Variants in MYO18A observed in about 807,000 individuals in gnomAD.
MYO18A encodes the protein myosin XVIIIA.
Under a neutral mutation model 235.8 loss-of-function variants are expected in MYO18A, and 78 were observed. The observed-to-expected ratio is 0.33, with a 90% CI of 0.28 to 0.40. The LOEUF (loss-of-function observed/expected upper bound fraction) is 0.40, where lower values mean the gene tolerates loss of function less well. Ranked by LOEUF, MYO18A falls within the 10% of genes least tolerant of loss-of-function variation. MYO18A has a pLI of 1.00. For missense variants in MYO18A, 2,215 were observed against 2,699.3 expected (o/e 0.82, Z 3.98); for synonymous variants, 977 against 1,077.8 (o/e 0.91, Z 1.83).
At chr17:29,081,187 G>A (rs1486672770) in intron 41 of MYO18A, among the ~76,000 whole-genome samples, 1 of 152,214 alleles carries the variant, frequency 6.6e-6, no homozygotes, top group Non-Finnish European at 1.5e-5. Context: ...AGCATCGGAG[G>A]AAATGAAGCA....
chr17:29,084,622 G>A (rs752740623), intron 40 of MYO18A, among the ~76,000 whole-genome samples: 7 of 152,114 alleles, frequency 4.6e-5, no homozygotes, highest in Non-Finnish European at 1.0e-4. Context: ...GAGACAGAAC[G>A]GCGGGGGATA....
In MYO18A at chr17:29,098,169, G is replaced by C. The variant is rs1415554274; in HGVS notation, c.3926C>G (p.Ser1309Cys). The C allele has an allele frequency of 1.2e-6, 2 of 1,613,830 alleles. No individual in the cohort carries two copies. Among genetic ancestry groups the C allele is most frequent in the African/African-American group, 2.7e-5 (2 of 74,934 alleles). Residue 1309 changes from serine to cysteine, a missense_variant, in exon 25 of 42, where the codon TCC (serine) becomes TGC (cysteine). Coordinates refer to ENST00000527372, the MANE Select transcript of MYO18A (RefSeq NM_078471.4). Reference sequence around the variant, plus strand: ...TGCTGTCTCCGCGTCCAGCAGCTGGGAGGCGGACTCTCCTGTGTTACGCTC... The same window carrying C: ...TGCTGTCTCCGCGTCCAGCAGCTGGCAGGCGGACTCTCCTGTGTTACGCTC... ...TDERNTGESASQLLDAETAER... is the reference protein window; with the variant it reads ...TDERNTGESACQLLDAETAER...
intron 37 of MYO18A, 39 bp from the exon 38 acceptor site, chr17:29,087,160 G>A (rs375478105): frequency 4.0e-5 from 63 of 1,583,802 alleles, no homozygotes; most frequent in Middle Eastern, 3.4e-4. Flanking sequence ...CAGCAGGCAG[G>A]CCCATCAGCC....
intron 20 of MYO18A, among the ~76,000 whole-genome samples, chr17:29,105,726 A>T (rs2066767827): frequency 6.6e-6 from 1 of 152,214 alleles, no homozygotes; most frequent in Non-Finnish European, 1.5e-5. Context: ...AGAATGCAAT[A>T]GCAGACAGGA....
At chr17:29,170,748 G>C (rs1016434070) in intron 1 of MYO18A, among the ~76,000 whole-genome samples, 4 of 152,214 alleles carry the variant, frequency 2.6e-5, no homozygotes, top group Non-Finnish European at 4.4e-5. Flanking sequence ...AGTACAATCT[G>C]TCAACTCAGC....
At chr17:29,107,025 G>A in intron 20 of MYO18A, 55 bp downstream of exon 20, 1 of 1,525,408 alleles carries the variant, frequency 6.6e-7, no homozygotes, top group Non-Finnish European at 9.1e-7. Context: ...TCTGGAAAGG[G>A]CAGCTGCTTG....
rs1231585904 is a variant in MYO18A at position 29,121,010 on chromosome 17, T to C, written c.1573A>G (p.Lys525Glu). 1.2e-6 allele frequency: 2 copies of C among 1,611,264 alleles called. No individual in the cohort carries two copies. Among genetic ancestry groups the C allele is most frequent in the Non-Finnish European group, 1.7e-6 (2 of 1,179,000 alleles). The change falls in exon 6 of 42, where the codon AAG (lysine) becomes GAG (glutamate). Residue 525 changes from lysine to glutamate, a missense_variant. Physicochemically the swap from Lys to Glu is moderately conservative, Grantham distance 56. Transcript: ENST00000527372. The surrounding 1 kb of genome is among the most constrained non-coding windows in gnomAD (Gnocchi z 4.2). ...GTCCCTGCCTCACCAGAAAACACCT[T>C]GTTCCCGCTGATGCCCGCGATGGTG... ...LATIAGISGN[K>E]VFSVEKWQAL... is the part of the protein sequence containing the mutation.
intron 2 of MYO18A, among the ~76,000 whole-genome samples, chr17:29,138,404 C>G (rs771396042): frequency 6.6e-6 from 1 of 152,172 alleles, no homozygotes; most frequent in Non-Finnish European, 1.5e-5. Context: ...GCATTCTCCT[C>G]TCCTCCCTCT....
intron 2 of MYO18A, among the ~76,000 whole-genome samples, chr17:29,138,414 T>C (rs1243879919): frequency 6.6e-6 from 1 of 152,110 alleles, no homozygotes; most frequent in East Asian, 1.9e-4. Context: ...CTCCTCCCTC[T>C]TTCCCATTCA....
In MYO18A at chr17:29,144,310, C is replaced by G. The variant is rs566965120; in HGVS notation, c.999+21632G>C. ...ACTTTTCTAGTCTCTTCTCCCTCTTCCCAGCCAGCCTGGCTCTCCGTCATT... is the reference window on the plus strand; with the variant it reads ...ACTTTTCTAGTCTCTTCTCCCTCTTGCCAGCCAGCCTGGCTCTCCGTCATT... On this transcript the variant is annotated intron_variant, in intron 2 of 41. Transcript: ENST00000527372. 7.9e-5 allele frequency among the ~76,000 whole-genome samples: 12 copies of G among 152,342 alleles called. No homozygotes were observed. In the South Asian group the frequency reaches 2.3e-3, roughly 29 times the overall value.
At chr17:29,093,454 G>A (rs762382079) in intron 31 of MYO18A, 27 bp from the exon 32 acceptor site, 21 of 1,567,890 alleles carry the variant, frequency 1.3e-5, no homozygotes, top group African/African-American at 5.4e-5. Context: ...ACAGAGACCC[G>A]TCCGTCCCTT....
chr17:29,114,222 C>A (rs752202807), intron 14 of MYO18A, 125 bp from the exon 15 acceptor site: 7 of 674,376 alleles, frequency 1.0e-5, no homozygotes, highest in Admixed American at 4.7e-5. Context: ...TGCAGGAGCT[C>A]CCTCCATCAT....
chr17:29,141,489 G>A (rs918807270), intron 2 of MYO18A, among the ~76,000 whole-genome samples: 3 of 151,166 alleles, frequency 2.0e-5, no homozygotes, highest in African/African-American at 7.3e-5. Flanking sequence ...ATACAGAACC[G>A]CCTCCTAACC....
At chr17:29,139,555 C>T (rs983749663) in intron 2 of MYO18A, among the ~76,000 whole-genome samples, 10 of 152,250 alleles carry the variant, frequency 6.6e-5, no homozygotes, top group African/African-American at 2.4e-4. Flanking sequence ...TGCACCTCCG[C>T]ACCAGGCCAG....
At chr17:29,090,257 C>A in intron 36 of MYO18A, 159 bp from the exon 37 acceptor site, 2 of 806,690 alleles carry the variant, frequency 2.5e-6, no homozygotes, top group Non-Finnish European at 3.8e-6. Flanking sequence ...AGGCCTCCCC[C>A]ATCTGCCCCA....
At chr17:29,075,679 C>G (rs1051370157) in intron 41 of MYO18A, 1 of 165,350 alleles carries the variant, frequency 6.0e-6, no homozygotes, top group Non-Finnish European at 1.5e-5. Flanking sequence ...GATCACAGCA[C>G]TGAACAGGGA....
Position 29,123,875 on chromosome 17 carries a change from T to C in MYO18A, c.1000-1622A>G, listed in dbSNP as rs1345144279. Among the ~76,000 whole-genome samples, 8 of 152,162 alleles carry C rather than the reference T, an allele frequency of 5.3e-5. No homozygotes were observed. In the East Asian group the frequency reaches 1.5e-3, roughly 29 times the overall value. On this transcript the variant is annotated intron_variant, in intron 2 of 41. Transcript: ENST00000527372. ...CATCCTGGCTAACACAGTGAAACCC[T>C]GTCTCCACTAAAAATACAAAAAATT... is the stretch of plus-strand genomic sequence containing the variant.
chr17:29,140,507 C>G lies in MYO18A; in HGVS notation c.1000-18254G>C. 1 of 940,396 alleles carries G rather than the reference C, an allele frequency of 1.1e-6. No individual in the cohort carries two copies. The highest frequency in any genetic ancestry group is 1.4e-6 in the Non-Finnish European group (1 of 726,940). 58.3% of individuals were successfully genotyped at this position (940,396 alleles called of 1,614,324 possible). ...CCAGCCCTAGTTGGAGCCAGCAGCC[C>G]GGAGGACTTCGGGTATCAGGTATGC... On this transcript the variant is annotated intron_variant, in intron 2 of 41. Coordinates refer to ENST00000527372, the MANE Select transcript of MYO18A (RefSeq NM_078471.4). The surrounding 1 kb of genome is among the most constrained non-coding windows in gnomAD (Gnocchi z 4.2).
rs925138375 is a variant in MYO18A at position 29,109,367 on chromosome 17, A to G, written c.3331+491T>C. On this transcript the variant is annotated intron_variant, in intron 19 of 41. Transcript: ENST00000527372. The surrounding 1 kb of genome is among the most constrained non-coding windows in gnomAD (Gnocchi z 4.1). The stretch of plus-strand genomic sequence containing the variant: ...ACCGATAACAGCTTCTAAGGACTCT[A>G]AGTAACCACTAATACTATCATCCTG... Among the ~76,000 whole-genome samples the G allele has an allele frequency of 6.6e-5, 10 of 152,150 alleles. No individual in the cohort carries two copies. The highest frequency in any genetic ancestry group is 8.8e-5 in the Non-Finnish European group (6 of 68,034).
Sources: allele counts gnomAD v4.1 joint callset (sites outside exome capture counted in the v4.1 genomes callset), GRCh38; gene constraint gnomAD v4.1.1; non-coding constraint Gnocchi (gnomAD v3.1); transcripts MANE v1.5; gene names NCBI Gene and HGNC (gene_info 2026-07-23, HGNC 2026-07-21).